SUDS3: variants seen among roughly 807,000 people sequenced by gnomAD.
SUDS3 encodes SIN3A corepressor complex component SDS3, also known as sin3 histone deacetylase corepressor complex component SDS3.
SUDS3 carries 23 observed loss-of-function variants against 53.5 expected under a neutral mutation model. The observed-to-expected ratio is 0.43, with a 90% CI of 0.31 to 0.61. SUDS3 has a LOEUF of 0.61. SUDS3 is among the 20% of genes least tolerant of loss of function. SUDS3 has a pLI of 0.10. For missense variants in SUDS3, 291 were observed against 405.9 expected, an observed-to-expected ratio of 0.72 and a Z score of 2.43; for synonymous variants, 150 against 148.5, an observed-to-expected ratio of 1.01 and a Z score of -0.08.
intron 1 of SUDS3, among the ~76,000 whole-genome samples, chr12:118,379,595 A>C (rs570439886): frequency 3.2e-4 from 48 of 152,270 alleles, no homozygotes; most frequent in Middle Eastern, 3.4e-3. Flanking sequence ...CCTGATGTAA[A>C]ATGTGCGAAG....
intron 11 of SUDS3, among the ~76,000 whole-genome samples, chr12:118,412,363 A>G (rs1566212467): frequency 6.6e-6 from 1 of 152,228 alleles, no homozygotes; most frequent in Non-Finnish European, 1.5e-5. Flanking sequence ...CAGTAAATGT[A>G]ATGAAACTGG....
At position 118,380,213 on chromosome 12, in the gene SUDS3, A is replaced by C; in HGVS notation, c.194A>C (p.Tyr65Ser). 6.2e-7 allele frequency: 1 copy of C among 1,608,048 alleles called. No individual in the cohort carries two copies. The highest frequency in any genetic ancestry group is 8.5e-7 in the Non-Finnish European group (1 of 1,177,182). Residue 65 changes from tyrosine to serine, a missense_variant, in exon 2 of 12, where the codon TAT becomes TCT. Physicochemically the swap from Tyr to Ser is moderately radical, Grantham distance 144. Transcript: ENST00000543473. Reference protein sequence around the residue: ...TDLAKHDEEDYVEMKEQMYQD... With the variant: ...TDLAKHDEEDSVEMKEQMYQD... ...CTGGCAAAGCATGATGAAGAAGACT[A>C]TGTAGAAATGAAGGAACAGTGAGTA...
rs959015555 is a variant in SUDS3 at position 118,417,146 on chromosome 12, C to T, written c.*2713C>T. 2 of 152,006 alleles carry T rather than the reference C, an allele frequency of 1.3e-5. No homozygotes were observed. Among genetic ancestry groups the T allele is most frequent in the Non-Finnish European group, 2.9e-5 (2 of 67,998 alleles). The allele number at this position is 152,006 out of a possible 1,614,324, so 9.4% of individuals were successfully genotyped here. On this transcript the variant is annotated 3_prime_UTR_variant, in exon 12 of 12. Transcript: ENST00000543473. ...TCCAGATGGATTTCTGTAGCCATACCAAAGCCAGGGTGTTTTCATTCATGC... is the reference window on the plus strand; with the variant it reads ...TCCAGATGGATTTCTGTAGCCATACTAAAGCCAGGGTGTTTTCATTCATGC...
intron 3 of SUDS3, among the ~76,000 whole-genome samples, chr12:118,384,603 C>T (rs910114390): frequency 2.6e-5 from 4 of 152,082 alleles, no homozygotes; most frequent in South Asian, 2.1e-4. Flanking sequence ...GAGGCCGAGG[C>T]GGGTGGATCA....
At chr12:118,380,329 T>C (rs2046045225) in intron 2 of SUDS3, 98 bp downstream of exon 2, 1 of 1,060,464 alleles carries the variant, frequency 9.4e-7, no homozygotes, top group Non-Finnish European at 1.4e-6. Flanking sequence ...TGCTCCAAAA[T>C]CTAAAACTTC....
rs758895527 is a variant in SUDS3 at position 118,380,226 on chromosome 12, G to A, written c.207G>A (p.Lys69=). ...ATGAAGAAGACTATGTAGAAATGAAGGAACAGTGAGTATGATATGCCTATG... is the reference window on the plus strand; with the variant it reads ...ATGAAGAAGACTATGTAGAAATGAAAGAACAGTGAGTATGATATGCCTATG... ...KHDEEDYVEM[K]EQMYQDKLAS... Residue 69 remains lysine (K), a synonymous_variant, in exon 2 of 12, where the codon AAG becomes AAA. Transcript: ENST00000543473. The A allele has an allele frequency of 1.9e-6, 3 of 1,605,070 alleles. No homozygotes were observed. In the African/African-American group the frequency reaches 4.0e-5, roughly 21 times the overall value.
At chr12:118,386,468 C>T (rs1310428349) in intron 4 of SUDS3, among the ~76,000 whole-genome samples, 3 of 152,062 alleles carry the variant, frequency 2.0e-5, no homozygotes, top group Non-Finnish European at 4.4e-5. Flanking sequence ...CCCTCTTGCT[C>T]ATTTCTGCAT....
chr12:118,401,737 A>C, intron 7 of SUDS3, 22 bp from the exon 8 acceptor site: 1 of 1,606,712 alleles, frequency 6.2e-7, no homozygotes, highest in Non-Finnish European at 8.5e-7. Context: ...CTTTTCACAT[A>C]CAGTCCTTTA....
chr12:118,416,047 A>T lies in SUDS3; in HGVS notation c.*1614A>T, dbSNP rs908899241. ...TGCCCTCCAATCCCCGACTGCTATG[A>T]TGTTTACTACAGTGAACCCAGCCCA... On this transcript the variant is annotated 3_prime_UTR_variant, in exon 12 of 12. Coordinates refer to ENST00000543473, the MANE Select transcript of SUDS3 (RefSeq NM_022491.3). 3 of 150,746 alleles carry T rather than the reference A, an allele frequency of 2.0e-5. No individual in the cohort carries two copies. Among genetic ancestry groups the T allele is most frequent in the Non-Finnish European group, 1.5e-5 (1 of 67,936 alleles). The allele number at this position is 150,746 out of a possible 1,614,324, so 9.3% of individuals were successfully genotyped here.
At position 118,400,705 on chromosome 12, in the gene SUDS3, A is replaced by G; in HGVS notation, c.564A>G (p.Arg188=). 6.2e-7 allele frequency: 1 copy of G among 1,613,964 alleles called. No individual in the cohort carries two copies. The highest frequency in any genetic ancestry group is 8.5e-7 in the Non-Finnish European group (1 of 1,179,892). Residue 188 remains arginine, a synonymous_variant, in exon 7 of 12, where the codon CGA becomes CGG. Coordinates refer to ENST00000543473, the MANE Select transcript of SUDS3 (RefSeq NM_022491.3). ...TCATGACCAGAAAGTTGCGGAGGCG[A>G]CCAAATGATCCCGTCCCCATCCCAG... The part of the protein sequence containing the change: ...KPIMTRKLRR[R]PNDPVPIPDK...
chr12:118,390,542 A>G (rs2046156269), intron 5 of SUDS3, among the ~76,000 whole-genome samples: 1 of 152,188 alleles, frequency 6.6e-6, no homozygotes, highest in African/African-American at 2.4e-5. Context: ...TGTGGTGCCC[A>G]TAGTCACTCA....
intron 6 of SUDS3, 42 bp from the exon 7 acceptor site, chr12:118,400,617 A>G (rs887920498): frequency 5.7e-6 from 9 of 1,578,904 alleles, no homozygotes; most frequent in African/African-American, 1.3e-5. Context: ...ACTGACTTCA[A>G]GTGGGAGTTG....
chr12:118,411,761 A>G (rs751068825), intron 11 of SUDS3, among the ~76,000 whole-genome samples: 20 of 151,888 alleles, frequency 1.3e-4, no homozygotes, highest in Admixed American at 7.2e-4. Flanking sequence ...TCGGCCTCCC[A>G]AAGTGCTGGG....
chr12:118,401,074 C>A (rs988860054), intron 7 of SUDS3, among the ~76,000 whole-genome samples: 2 of 152,176 alleles, frequency 1.3e-5, no homozygotes, highest in African/African-American at 4.8e-5. Flanking sequence ...TTAATTTTTT[C>A]ACCTGTAATT....
At chr12:118,409,333 G>A (rs1486272366) in intron 10 of SUDS3, among the ~76,000 whole-genome samples, 3 of 152,000 alleles carry the variant, frequency 2.0e-5, no homozygotes, top group African/African-American at 7.3e-5. Context: ...TTTTAGTAGA[G>A]ATGGGGTTTC....
intron 6 of SUDS3, among the ~76,000 whole-genome samples, chr12:118,393,245 G>A (rs1473166724): frequency 6.6e-6 from 1 of 152,152 alleles, no homozygotes; most frequent in Admixed American, 6.6e-5. Context: ...GTGGATTGAT[G>A]CCCAATATCA....
At chr12:118,410,503 A>T (rs1053586609) in intron 10 of SUDS3, among the ~76,000 whole-genome samples, 2 of 152,058 alleles carry the variant, frequency 1.3e-5, no homozygotes, top group Non-Finnish European at 2.9e-5. Flanking sequence ...AAGGAATATA[A>T]GCTTTAGATC....
chr12:118,383,161 G>C (rs1420176235), intron 2 of SUDS3, among the ~76,000 whole-genome samples: 2 of 152,158 alleles, frequency 1.3e-5, no homozygotes, highest in Admixed American at 1.3e-4. Context: ...CGCTAAAAAG[G>C]TTATCACGCC....
chr12:118,380,125 T>A, intron 1 of SUDS3, 37 bp from the exon 2 acceptor site: 2 of 1,557,534 alleles, frequency 1.3e-6, no homozygotes, highest in Non-Finnish European at 1.8e-6. Context: ...CCGTGAATTA[T>A]GATTTTAACT....
Sources: allele counts gnomAD v4.1 joint callset (sites outside exome capture counted in the v4.1 genomes callset), GRCh38; gene constraint gnomAD v4.1.1; transcripts MANE v1.5; gene names NCBI Gene and HGNC (gene_info 2026-07-23, HGNC 2026-07-21).